SNW1: variants seen among roughly 807,000 people sequenced by gnomAD.
SNW1 encodes the protein SNW domain containing 1, also known as SNW domain-containing protein 1.
Under a neutral mutation model 75.6 loss-of-function variants are expected in SNW1, and 9 were observed. The ratio of observed to expected loss-of-function variants is 0.12; its 90% CI spans 0.07 to 0.21. SNW1 has a LOEUF of 0.21. SNW1 is among the 10% of genes least tolerant of loss of function. The pLI is 1.00. For missense variants in SNW1, 409 were observed against 670.9 expected (o/e 0.61, Z 4.31); for synonymous variants, 200 against 219.1 (o/e 0.91, Z 0.77).
chr14:77,747,740 T>TGCCCC (rs2080774010), intron 3 of SNW1, among the ~76,000 whole-genome samples: 1 of 147,810 alleles, frequency 6.8e-6, no homozygotes, highest in African/African-American at 2.5e-5. Flanking sequence ...CCGCCCCGTC[T>TGCCCC]GGGAGGGAGG....
intron 10 of SNW1, among the ~76,000 whole-genome samples, 185 bp from the exon 11 acceptor site, chr14:77,723,462 G>T (rs1383221935): frequency 6.6e-6 from 1 of 152,140 alleles, no homozygotes; most frequent in Non-Finnish European, 1.5e-5. Context: ...TGATCCTCCT[G>T]CCTCATCCTC....
rs2080835376 is a variant in SNW1 at position 77,755,213 on chromosome 14, G to A, written c.15-93C>T. ...TGGCCACAGAGACAATTTTTCCTACGATGCTTTTACTTTTCAGAAAAAGAG... is the reference window on the plus strand; with the variant it reads ...TGGCCACAGAGACAATTTTTCCTACAATGCTTTTACTTTTCAGAAAAAGAG... On this transcript the variant is annotated intron_variant, in intron 1 of 13. Transcript: ENST00000261531. 8 of 1,129,296 alleles carry A rather than the reference G, an allele frequency of 7.1e-6. 1 individual carries two copies. The South Asian group carries it at 8.5e-5, about 12-fold the overall frequency. 70.0% of individuals were successfully genotyped at this position (1,129,296 alleles called of 1,614,324 possible).
chr14:77,756,959 A>C (rs1455036037), intron 1 of SNW1, among the ~76,000 whole-genome samples: 1 of 152,236 alleles, frequency 6.6e-6, no homozygotes, highest in Non-Finnish European at 1.5e-5. Flanking sequence ...CTTATTCTTT[A>C]GTCAAGGTAA....
At chr14:77,760,626 T>C in intron 1 of SNW1, 2 of 702,312 alleles carry the variant, frequency 2.8e-6, no homozygotes, top group East Asian at 2.7e-5. Flanking sequence ...TTTAAATCTG[T>C]GTTCAGCTCC....
chr14:77,755,659 C>T (rs959692120), intron 1 of SNW1, among the ~76,000 whole-genome samples: 2 of 151,382 alleles, frequency 1.3e-5, no homozygotes, highest in Admixed American at 6.6e-5. Flanking sequence ...TCAAGTGATC[C>T]GCTGACCTTG....
chr14:77,725,002 G>A (rs148961722), intron 10 of SNW1, among the ~76,000 whole-genome samples: 44 of 151,900 alleles, frequency 2.9e-4, no homozygotes, highest in African/African-American at 7.7e-4. Flanking sequence ...CTGTATCCTC[G>A]CCAGCATCTA....
intron 3 of SNW1, among the ~76,000 whole-genome samples, chr14:77,748,365 T>A (rs1486123660): frequency 1.3e-5 from 2 of 152,018 alleles, no homozygotes; most frequent in Non-Finnish European, 2.9e-5. Flanking sequence ...CCTATGACCC[T>A]GCCAAATCCC....
At chr14:77,731,278 A>G (rs2139903221) in intron 9 of SNW1, 149 bp from the exon 10 acceptor site, 2 of 867,476 alleles carry the variant, frequency 2.3e-6, no homozygotes, top group Admixed American at 3.2e-5. Context: ...CTTGTCCACT[A>G]AAAGATATCC....
In SNW1 at chr14:77,732,657, G is replaced by A. The variant is rs944715034; in HGVS notation, c.775-56C>T. The A allele has an allele frequency of 1.1e-4, 107 of 962,240 alleles. 1 individual carries two copies. The highest frequency in any genetic ancestry group is 8.7e-4 in the East Asian group (36 of 41,478). The allele number at this position is 962,240 out of a possible 1,614,324, so 59.6% of individuals were successfully genotyped here. ...ACAGAAGTGCTTCAATTAATCGTCT[G>A]AAGTTAAATTAATTTTATTTTTTTC... On this transcript the variant is annotated intron_variant, in intron 8 of 13. Coordinates refer to ENST00000261531, the MANE Select transcript of SNW1 (RefSeq NM_012245.3).
rs768418850 is a variant in SNW1 at position 77,761,148 on chromosome 14, G to C, written c.-21C>G. 1.9e-5 allele frequency: 30 copies of C among 1,614,246 alleles called. No homozygotes were observed. Among genetic ancestry groups the C allele is most frequent in the Non-Finnish European group, 2.5e-5 (30 of 1,180,042 alleles). On this transcript the variant is annotated 5_prime_UTR_variant, in exon 1 of 14. Transcript: ENST00000261531. ...GCCATCTTCTTCCGCTTCTTCCAGC[G>C]CGAGCGACAGCACCGCTGGGCGGGT...
chr14:77,741,586 T>A (rs1223963915), intron 3 of SNW1, among the ~76,000 whole-genome samples: 1 of 152,106 alleles, frequency 6.6e-6, no homozygotes, highest in Non-Finnish European at 1.5e-5. Flanking sequence ...TCTAAGAGTG[T>A]TGATTTTGGA....
At chr14:77,760,814 G>A (rs2080883626) in intron 1 of SNW1, 3 of 717,342 alleles carry the variant, frequency 4.2e-6, no homozygotes, top group South Asian at 1.5e-5. Context: ...CGGACCTGAG[G>A]GAGCGCTGTC....
intron 3 of SNW1, among the ~76,000 whole-genome samples, chr14:77,740,425 G>C (rs943810682): frequency 2.0e-5 from 3 of 151,988 alleles, no homozygotes; most frequent in African/African-American, 4.8e-5. Context: ...ACTCCAAACA[G>C]AGCAAAAAAG....
intron 3 of SNW1, among the ~76,000 whole-genome samples, chr14:77,742,225 G>A (rs573177020): frequency 6.6e-6 from 1 of 152,066 alleles, no homozygotes; most frequent in East Asian, 1.9e-4. Context: ...TATTAGAGAT[G>A]GGGTTTCACC....
intron 5 of SNW1, among the ~76,000 whole-genome samples, chr14:77,737,991 CAAAAAAA>C (rs35896717): frequency 4.0e-5 from 3 of 74,164 alleles, no homozygotes; most frequent in South Asian, 5.4e-4. Context: ...GACTCCATCT[CAAAAAAA>C]AAAAAAAAAA....
At chr14:77,723,841 A>G (rs1288537868) in intron 10 of SNW1, among the ~76,000 whole-genome samples, 1 of 152,122 alleles carries the variant, frequency 6.6e-6, no homozygotes, top group Non-Finnish European at 1.5e-5. Flanking sequence ...TTTAGTAGAG[A>G]TGGAGTTTCA....
Position 77,758,315 on chromosome 14 carries a change from C to CAAAAAAAAA in SNW1, c.14+2790_14+2798dup, listed in dbSNP as rs55707854. Among the ~76,000 whole-genome samples the CAAAAAAAAA allele has an allele frequency of 3.0e-3, 261 of 85,730 alleles. 10 individuals carry two copies. Among genetic ancestry groups the CAAAAAAAAA allele is most frequent in the Middle Eastern group, 0.019 (3 of 154 alleles). The allele number at this position is 85,730 out of a possible 152,430, so 56.2% of individuals were successfully genotyped here. A position where few individuals can be genotyped will look rare whatever the true frequency, so the allele number is the denominator to read the frequency against. ...CCTGGGTGAGAGTGAGACTCTGCCA[C>CAAAAAAAAA]AAAAAAAAAAAAAAAAAAAAAGAAC... On this transcript the variant is annotated intron_variant, in intron 1 of 13. Transcript: ENST00000261531.
At chr14:77,744,557 A>G (rs2080746076) in intron 3 of SNW1, among the ~76,000 whole-genome samples, 1 of 152,150 alleles carries the variant, frequency 6.6e-6, no homozygotes, top group African/African-American at 2.4e-5. Flanking sequence ...AACTCCAAAA[A>G]TAGATAGTTC....
chr14:77,742,057 G>A (rs1311520193), intron 3 of SNW1, among the ~76,000 whole-genome samples: 1 of 150,384 alleles, frequency 6.6e-6, no homozygotes, highest in Non-Finnish European at 1.5e-5. Context: ...TTGAGACGAA[G>A]TCTTGCTCTT....
Sources: allele counts gnomAD v4.1 joint callset (sites outside exome capture counted in the v4.1 genomes callset), GRCh38; gene constraint gnomAD v4.1.1; transcripts MANE v1.5; gene names NCBI Gene and HGNC (gene_info 2026-07-23, HGNC 2026-07-21).